The following TBCD variants were observed in gnomAD, a reference collection of about 807,000 sequenced individuals.
TBCD encodes the protein tubulin folding cofactor D.
In TBCD, 105 loss-of-function variants were observed where a neutral mutation model predicts 169.3. The observed-to-expected ratio is 0.62, with a 90% CI of 0.53 to 0.73. TBCD has a LOEUF of 0.73. Ranked by LOEUF, TBCD falls within the 30% of genes least tolerant of loss-of-function variation. The pLI is 0.00. For synonymous variants in TBCD, 700 were observed against 643.9 expected (o/e 1.09, Z -1.32); for missense variants, 1,444 against 1,600.1 (o/e 0.90, Z 1.66).
intron 13 of TBCD, among the ~76,000 whole-genome samples, chr17:82,856,120 G>C (rs866217982): frequency 6.8e-6 from 1 of 146,992 alleles, no homozygotes; most frequent in Admixed American, 7.1e-5. Flanking sequence ...TTACAGGCAT[G>C]AGCCTGAATC....
At chr17:82,834,277 G>C (rs1598804629) in intron 13 of TBCD, among the ~76,000 whole-genome samples, 1 of 152,212 alleles carries the variant, frequency 6.6e-6, no homozygotes, top group Non-Finnish European at 1.5e-5. Flanking sequence ...GTCTGGGACT[G>C]TCCACCTGGC....
chr17:82,807,475 A>G (rs538712729), intron 10 of TBCD, 133 bp from the exon 11 acceptor site: 8 of 501,690 alleles, frequency 1.6e-5, no homozygotes, highest in South Asian at 9.2e-5. Flanking sequence ...TTTTCCTGTC[A>G]TTAAAATTAA....
At chr17:82,809,437 C>T (rs2051263567) in intron 11 of TBCD, among the ~76,000 whole-genome samples, 1 of 152,178 alleles carries the variant, frequency 6.6e-6, no homozygotes, top group Admixed American at 6.5e-5. Context: ...TCACTGGTGG[C>T]CTGCAGCGTC....
At chr17:82,850,030 G>GTGCTCTTC (rs1312562711) in intron 13 of TBCD, among the ~76,000 whole-genome samples, 12 of 107,064 alleles carry the variant, frequency 1.1e-4, no homozygotes, top group African/African-American at 2.7e-4. Context: ...GTTGTTGGCT[G>GTGCTCTTC]TGCTGTTGTT....
rs780136255 is a variant in TBCD at position 82,800,978 on chromosome 17, C to T, written c.932C>T (p.Pro311Leu). The change falls in exon 9 of 39, where the codon CCG becomes CTG. Residue 311 changes from proline (P) to leucine (L), a missense_variant. Physicochemically the swap from Pro to Leu is moderately conservative, Grantham distance 98. Coordinates refer to ENST00000355528, the MANE Select transcript of TBCD (RefSeq NM_005993.5). ...VQRLGLTFLK[P>L]KVAAWRYQRG... Reference sequence around the variant, plus strand: ...CGACTGGGGCTGACATTCCTGAAGCCGAAGGTGGCAGCATGGAGGTAGGCA... The same window carrying T: ...CGACTGGGGCTGACATTCCTGAAGCTGAAGGTGGCAGCATGGAGGTAGGCA... The T allele has an allele frequency of 8.9e-5, 143 of 1,606,922 alleles. No individual in the cohort carries two copies. The highest frequency in any genetic ancestry group is 3.7e-4 in the Middle Eastern group (2 of 5,436).
chr17:82,865,461 C>A, intron 13 of TBCD: 1 of 985,476 alleles, frequency 1.0e-6, no homozygotes, highest in Non-Finnish European at 1.2e-6. Flanking sequence ...CCCACAGCCA[C>A]CCTCTCTGGG....
At position 82,752,255 on chromosome 17, in the gene TBCD, T is replaced by C; in HGVS notation, c.62T>C (p.Leu21Pro). Residue 21 changes from leucine to proline, a missense_variant, in exon 1 of 39, where the codon CTG becomes CCG. Physicochemically the swap from Leu to Pro is moderately conservative, Grantham distance 98. Transcript: ENST00000355528. ...GPEEEAEDETLAFGAALEAFG... is the reference protein window; with the variant it reads ...GPEEEAEDETPAFGAALEAFG... ...GAGGAGGAGGCGGAGGACGAGACAC[T>C]GGCCTTTGGCGCGGCGCTGGAAGCG... 6.6e-7 allele frequency: 1 copy of C among 1,523,348 alleles called. No individual in the cohort carries two copies. Among genetic ancestry groups the C allele is most frequent in the Admixed American group, 2.0e-5 (1 of 49,478 alleles). 94.4% of individuals were successfully genotyped at this position (1,523,348 alleles called of 1,614,324 possible). A position where few individuals can be genotyped will look rare whatever the true frequency, so the allele number is the denominator to read the frequency against.
At chr17:82,756,881 G>A (rs1334167779) in intron 2 of TBCD, among the ~76,000 whole-genome samples, 1 of 152,152 alleles carries the variant, frequency 6.6e-6, no homozygotes, top group African/African-American at 2.4e-5. Flanking sequence ...TTTTACATGG[G>A]TCATCATTTA....
chr17:82,866,376 A>C (rs1261011117), intron 13 of TBCD, among the ~76,000 whole-genome samples: 1 of 152,216 alleles, frequency 6.6e-6, no homozygotes, highest in Non-Finnish European at 1.5e-5. Context: ...TTGTTAAGGA[A>C]ATTGATCATC....
intron 15 of TBCD, among the ~76,000 whole-genome samples, chr17:82,887,410 C>T (rs1412862291): frequency 6.6e-6 from 1 of 152,112 alleles, no homozygotes; most frequent in East Asian, 1.9e-4. Flanking sequence ...ACTCTGTGGC[C>T]TCTAATGCTG....
chr17:82,936,878 G>A (rs1360891668), intron 34 of TBCD, among the ~76,000 whole-genome samples: 3 of 152,210 alleles, frequency 2.0e-5, no homozygotes, highest in African/African-American at 7.2e-5. Context: ...TCTGTGTGTC[G>A]GCAGTTTCCC....
At chr17:82,793,890 G>A (rs1291122983) in intron 7 of TBCD, among the ~76,000 whole-genome samples, 1 of 152,122 alleles carries the variant, frequency 6.6e-6, no homozygotes, top group Non-Finnish European at 1.5e-5. Flanking sequence ...TCTTGGTGTC[G>A]GAGCAGGACT....
chr17:82,807,274 C>G (rs2051040258), intron 10 of TBCD, among the ~76,000 whole-genome samples: 1 of 152,224 alleles, frequency 6.6e-6, no homozygotes, highest in Non-Finnish European at 1.5e-5. Flanking sequence ...GCTTCCCAGC[C>G]CACTTTGGTC....
chr17:82,772,451 G>C lies in TBCD; in HGVS notation c.583-1G>C. ...TGTCTGTGCTTCACCCTTTCTTGCA[G>C]TCCTACTTGATTGTCAGTGACAAGG... On this transcript the variant is annotated splice_acceptor_variant, in intron 5 of 38. Coordinates refer to ENST00000355528, the MANE Select transcript of TBCD (RefSeq NM_005993.5). LOFTEE classifies it high-confidence loss of function. 6.2e-7 allele frequency: 1 copy of C among 1,613,980 alleles called. No individual in the cohort carries two copies. Among genetic ancestry groups the C allele is most frequent in the Non-Finnish European group, 8.5e-7 (1 of 1,179,882 alleles).
In TBCD at chr17:82,864,385, GC is replaced by G. The variant is rs2057006357; in HGVS notation, c.1319-5837del. The G allele has an allele frequency of 2.0e-5, 3 of 152,254 alleles. No individual in the cohort carries two copies. Among genetic ancestry groups the G allele is most frequent in the Admixed American group, 2.0e-4 (3 of 15,288 alleles). 9.4% of individuals were successfully genotyped at this position (152,254 alleles called of 1,614,324 possible). ...GGCTCTCTGTGCTCTCCAGGAGGTGGCCTTTCACAGCAGGGACGTTCTGTGC... is the reference window on the plus strand; with the variant it reads ...GGCTCTCTGTGCTCTCCAGGAGGTGGCTTTCACAGCAGGGACGTTCTGTGC... On this transcript the variant is annotated intron_variant, in intron 13 of 38. Coordinates refer to ENST00000355528, the MANE Select transcript of TBCD (RefSeq NM_005993.5). The surrounding 1 kb of genome is among the most constrained non-coding windows in gnomAD (Gnocchi z 6.3).
chr17:82,801,695 G>C (rs2050559575), intron 9 of TBCD, among the ~76,000 whole-genome samples: 1 of 132,498 alleles, frequency 7.5e-6, no homozygotes, highest in African/African-American at 2.9e-5. Context: ...AGGGCGGCGT[G>C]TGCGTTGTGT....
intron 13 of TBCD, among the ~76,000 whole-genome samples, chr17:82,867,787 A>G (rs1346719203): frequency 1.3e-5 from 2 of 152,220 alleles, no homozygotes; most frequent in Non-Finnish European, 2.9e-5. Context: ...TGACATTTAC[A>G]AGAAGTGAGA....
Position 82,906,022 on chromosome 17 carries a change from G to A in TBCD, c.1891G>A (p.Ala631Thr), listed in dbSNP as rs1293440048. ...SILACAEVAY[A>T]LYKLAAQENR... The stretch of plus-strand genomic sequence containing the variant: ...TCTCGCCTGCGCAGAAGTTGCTTAC[G>A]CCTTGTACAAACTTGCAGCCCAAGA... Residue 631 changes from alanine (A) to threonine (T), a missense_variant, in exon 20 of 39, where the codon GCC (alanine) becomes ACC (threonine). By Grantham distance (58) the Ala-to-Thr change is moderately conservative. Coordinates refer to ENST00000355528, the MANE Select transcript of TBCD (RefSeq NM_005993.5). 5 of 1,610,996 alleles carry A rather than the reference G, an allele frequency of 3.1e-6. No individual in the cohort carries two copies. The highest frequency in any genetic ancestry group is 1.3e-5 in the African/African-American group (1 of 74,904).
At chr17:82,814,770 TG>T (rs772705979) in intron 12 of TBCD, 69 bp from the exon 13 acceptor site, 90 of 1,475,756 alleles carry the variant, frequency 6.1e-5, no homozygotes, top group Non-Finnish European at 6.0e-5. Flanking sequence ...CTGTGCTCCT[TG>T]CCATGCTGTG....
Sources: gnomAD v4.1 joint callset for allele counts (sites outside exome capture counted in the v4.1 genomes callset) on GRCh38, gnomAD v4.1.1 for gene constraint, Gnocchi (gnomAD v3.1) non-coding constraint, MANE v1.5 for transcripts, NCBI Gene and HGNC (gene_info 2026-07-23, HGNC 2026-07-21) for gene names.